The following UTP18 variants were observed in gnomAD, a reference collection of about 807,000 sequenced individuals.
UTP18 encodes UTP18 small subunit processome component.
UTP18 carries 36 observed loss-of-function variants against 61.1 expected under a neutral mutation model. The observed-to-expected ratio is 0.59, with a 90% confidence interval of 0.45 to 0.78. The LOEUF is 0.78. Among genes scored for constraint, UTP18 ranks in the 30% least tolerant of loss-of-function variants. The pLI is 0.00. For missense variants in UTP18, 753 were observed against 693.9 expected, an observed-to-expected ratio of 1.09 and a Z score of -0.96; for synonymous variants, 282 against 251.1, an observed-to-expected ratio of 1.12 and a Z score of -1.16.
intron 4 of UTP18, among the ~76,000 whole-genome samples, chr17:51,271,286 TA>T (rs1904520749): frequency 6.6e-6 from 1 of 152,118 alleles, no homozygotes; most frequent in Non-Finnish European, 1.5e-5. Context: ...ATACGTATAT[TA>T]AATGTCTTCC....
chr17:51,296,495 G>A (rs1905371614), intron 12 of UTP18: 1 of 153,074 alleles, frequency 6.5e-6, no homozygotes, highest in South Asian at 2.1e-4. Context: ...GATCAGATTT[G>A]GAGTGGTTCT....
At chr17:51,279,959 G>T in intron 7 of UTP18, 46 bp from the exon 8 acceptor site, 1 of 1,430,754 alleles carries the variant, frequency 7.0e-7, no homozygotes. Flanking sequence ...TAGTTTTATT[G>T]AAAACTATAT....
chr17:51,297,016 T>G lies in UTP18; in HGVS notation c.*14+13T>G, dbSNP rs1238329701. 1 of 1,601,536 alleles carries G rather than the reference T, an allele frequency of 6.2e-7. No individual in the cohort carries two copies. Among genetic ancestry groups the G allele is most frequent in the Admixed American group, 1.7e-5 (1 of 58,276 alleles). The stretch of plus-strand genomic sequence containing the variant: ...GAGACTATTTGAAGTAAGAAAACCC[T>G]TTTCTTACAAATTCTGCAGGTTTTA... On this transcript the variant is annotated intron_variant, in intron 13 of 13. Coordinates refer to ENST00000225298, the MANE Select transcript of UTP18 (RefSeq NM_016001.3).
intron 3 of UTP18, among the ~76,000 whole-genome samples, chr17:51,267,376 T>C (rs979840315): frequency 7.2e-5 from 11 of 151,882 alleles, no homozygotes; most frequent in African/African-American, 2.7e-4. Flanking sequence ...TGTTAGGCAT[T>C]TTAAAGTGTA....
At chr17:51,283,375 C>T (rs1483678832) in intron 9 of UTP18, among the ~76,000 whole-genome samples, 1 of 152,060 alleles carries the variant, frequency 6.6e-6, no homozygotes. Context: ...ATCATGTTGG[C>T]CAGGCTGGTC....
At chr17:51,260,952 T>TGGGCGCACTCGGGCG (rs2055448028) in intron 1 of UTP18, 26 bp downstream of exon 1, 5 of 1,489,244 alleles carry the variant, frequency 3.4e-6, no homozygotes, top group East Asian at 2.9e-5. Flanking sequence ...GCGCGCGGGC[T>TGGGCGCACTCGGGCG]GGGCGCACTC....
At chr17:51,293,845 T>A in intron 11 of UTP18, 58 bp from the exon 12 acceptor site, 2 of 1,376,732 alleles carry the variant, frequency 1.5e-6, no homozygotes, top group Non-Finnish European at 1.9e-6. Context: ...AAGATTACAA[T>A]TTAAGAAACA....
intron 3 of UTP18, 98 bp downstream of exon 3, chr17:51,266,378 CAGTA>C (rs1252309440): frequency 8.7e-6 from 7 of 801,642 alleles, no homozygotes; most frequent in Non-Finnish European, 1.1e-5. Context: ...CATTTTGAAA[CAGTA>C]AGAGGATTGC....
At chr17:51,294,876 C>CTT (rs1214994841) in intron 12 of UTP18, among the ~76,000 whole-genome samples, 1 of 152,236 alleles carries the variant, frequency 6.6e-6, no homozygotes, top group Admixed American at 6.5e-5. Context: ...TGTTTCCTGA[C>CTT]TTTTTAATGA....
In UTP18 at chr17:51,273,427, T is replaced by A. The variant is rs978088331; in HGVS notation, c.688T>A (p.Ser230Thr). 5.5e-5 allele frequency: 88 copies of A among 1,610,656 alleles called. No homozygotes were observed. Among genetic ancestry groups the A allele is most frequent in the Non-Finnish European group, 6.8e-5 (80 of 1,178,558 alleles). Residue 230 changes from serine to threonine, a missense_variant, in exon 5 of 14, where the codon TCT (serine) becomes ACT (threonine). Ser to Thr is a moderately conservative substitution (Grantham distance 58, BLOSUM62 1). Coordinates refer to ENST00000225298, the MANE Select transcript of UTP18 (RefSeq NM_016001.3). ...RTGNFISTST[S>T]LPRGILKMKN... is the part of the protein sequence containing the mutation. ...TGGGAATTTCATATCCACATCAACT[T>A]CTCTTCCAAGAGGAATCTTGAAGGT...
chr17:51,292,233 C>G (rs1290289920), intron 11 of UTP18, among the ~76,000 whole-genome samples: 1 of 152,076 alleles, frequency 6.6e-6, no homozygotes. Flanking sequence ...TCTCGAGGAA[C>G]CTGTATAGAG....
chr17:51,277,089 T>C (rs1245526971), intron 6 of UTP18, 41 bp from the exon 7 acceptor site: 81 of 1,590,684 alleles, frequency 5.1e-5, no homozygotes, highest in Non-Finnish European at 7.0e-5. Flanking sequence ...ATACAGGGTC[T>C]GTGGAAATAA....
chr17:51,296,863 T>C, intron 12 of UTP18, 102 bp from the exon 13 acceptor site: 1 of 1,098,558 alleles, frequency 9.1e-7, no homozygotes, highest in South Asian at 1.5e-5. Context: ...TGATTACATA[T>C]TTTTCCCACT....
chr17:51,261,060 G>T lies in UTP18; in HGVS notation c.342+134G>T, dbSNP rs548479922. 240 of 782,512 alleles carry T rather than the reference G, an allele frequency of 3.1e-4. 6 individuals carry two copies. The South Asian group carries it at 0.01, about 33-fold the overall frequency. 48.5% of individuals were successfully genotyped at this position (782,512 alleles called of 1,614,324 possible). A position where few individuals can be genotyped will look rare whatever the true frequency, so the allele number is the denominator to read the frequency against. ...CAGGTGGGAGGGAGCCCGAGAACGC[G>T]GGCGCGGAGGGTCGCAGCTGCGGGT... On this transcript the variant is annotated intron_variant, in intron 1 of 13. Coordinates refer to ENST00000225298, the MANE Select transcript of UTP18 (RefSeq NM_016001.3).
At chr17:51,294,443 T>A (rs1905308919) in intron 12 of UTP18, among the ~76,000 whole-genome samples, 2 of 149,876 alleles carry the variant, frequency 1.3e-5, no homozygotes, top group South Asian at 4.3e-4. Flanking sequence ...AGTGAGAACA[T>A]GCGGTGTTTG....
intron 4 of UTP18, among the ~76,000 whole-genome samples, chr17:51,270,469 T>G (rs1904490878): frequency 6.6e-6 from 1 of 152,196 alleles, no homozygotes; most frequent in South Asian, 2.1e-4. Context: ...ATTCCTGTAA[T>G]TTTGGGTATG....
intron 10 of UTP18, among the ~76,000 whole-genome samples, chr17:51,286,239 G>A (rs72826501): frequency 0.036 from 5,487 of 152,284 alleles, 139 homozygotes; most frequent in Non-Finnish European, 0.057. Flanking sequence ...TGATTCTGAA[G>A]ATGCAGGGTG....
chr17:51,288,669 T>G (rs1259233771), intron 11 of UTP18: 1 of 453,078 alleles, frequency 2.2e-6, no homozygotes. Flanking sequence ...AATATACCCT[T>G]TGTGTTAGGA....
intron 11 of UTP18, among the ~76,000 whole-genome samples, chr17:51,291,168 TG>T (rs1304363638): frequency 1.3e-5 from 2 of 152,024 alleles, no homozygotes; most frequent in Non-Finnish European, 2.9e-5. Flanking sequence ...CCGAGGCAGA[TG>T]GATCACCTGA....
Sources: allele counts gnomAD v4.1 joint callset (sites outside exome capture counted in the v4.1 genomes callset), GRCh38; gene constraint gnomAD v4.1.1; transcripts MANE v1.5; gene names NCBI Gene and HGNC (gene_info 2026-07-23, HGNC 2026-07-21).